The following KRT77 variants were observed in gnomAD, a reference collection of about 807,000 sequenced individuals.
The protein encoded by KRT77 is keratin 77, also known as keratin, type II cytoskeletal 1b.
Under a neutral mutation model 51.5 loss-of-function variants are expected in KRT77, and 44 were observed. The observed-to-expected ratio is 0.85, with a 90% CI of 0.67 to 1.10. The LOEUF (loss-of-function observed/expected upper bound fraction) is 1.10, where lower values mean the gene tolerates loss of function less well. Ranked by LOEUF, KRT77 falls within the 50% of genes least tolerant of loss-of-function variation. The pLI is 0.00. For missense variants in KRT77, 763 were observed against 743.9 expected (o/e 1.03, Z -0.30); for synonymous variants, 293 against 302.0 (o/e 0.97, Z 0.31).
At chr12:52,699,556 G>A (rs541593485) in intron 1 of KRT77, among the ~76,000 whole-genome samples, 28 of 152,338 alleles carry the variant, frequency 1.8e-4, no homozygotes, top group Admixed American at 3.9e-4. Flanking sequence ...AGCTAGCACC[G>A]ATGGAATGAG....
In KRT77 at chr12:52,696,354, C is replaced by T. The variant is rs774268756; in HGVS notation, c.819+16G>A. Reference sequence around the variant, plus strand: ...CCTGGGTCCACAGCCACCCTCAGGACTCCCCTTTCCCTCACCTTCTTCAGG... The same window carrying T: ...CCTGGGTCCACAGCCACCCTCAGGATTCCCCTTTCCCTCACCTTCTTCAGG... On this transcript the variant is annotated intron_variant, in intron 3 of 8. Coordinates refer to ENST00000341809, the MANE Select transcript of KRT77 (RefSeq NM_175078.3). The T allele has an allele frequency of 1.9e-6, 3 of 1,613,708 alleles. No individual in the cohort carries two copies. The highest frequency in any genetic ancestry group is 1.7e-5 in the Admixed American group (1 of 60,026).
rs772489280 is a variant in KRT77, at chr12:52,692,562, T to C, written c.1286A>G (p.Gln429Arg). The change falls in exon 7 of 9, where the codon CAG becomes CGG. Residue 429 changes from glutamine to arginine, a missense_variant. Physicochemically the swap from Gln to Arg is conservative, Grantham distance 43. Coordinates refer to ENST00000341809, the MANE Select transcript of KRT77 (RefSeq NM_175078.3). ...QALQDAWQKL[Q>R]DLEEALQQSK... ...CTGCTGCAGGGCCTCCTCCAGGTCC[T>C]GCAGCTTCTGCCACGCATCCTGGAG... The C allele has an allele frequency of 2.1e-6, 3 of 1,414,364 alleles. No individual in the cohort carries two copies. The highest frequency in any genetic ancestry group is 2.7e-5 in the African/African-American group (2 of 72,906). 87.6% of individuals were successfully genotyped at this position (1,414,364 alleles called of 1,614,324 possible). A position where few individuals can be genotyped will look rare whatever the true frequency, so the allele number is the denominator to read the frequency against.
chr12:52,698,270 C>T (rs945624770), intron 1 of KRT77: 8 of 590,684 alleles, frequency 1.4e-5, no homozygotes, highest in African/African-American at 1.1e-4. Context: ...TCTTTGTGGT[C>T]AAAATGCATT....
In KRT77 at chr12:52,694,728, G is replaced by A. The variant is rs1367638579; in HGVS notation, c.978C>T (p.Asn326=). Residue 326 remains asparagine (N), a synonymous_variant, in exon 5 of 9, where the codon AAC becomes AAT. Coordinates refer to ENST00000341809, the MANE Select transcript of KRT77 (RefSeq NM_175078.3). ...DTNVILSMDN[N]RSLDLDSIID... ...TGATGCTGTCCAGGTCCAGGGAACGGTTATTGTCCATGGACAGGATGACGT... is the reference window on the plus strand; with the variant it reads ...TGATGCTGTCCAGGTCCAGGGAACGATTATTGTCCATGGACAGGATGACGT... The A allele has an allele frequency of 2.5e-6, 4 of 1,613,624 alleles. No homozygotes were observed. The highest frequency in any genetic ancestry group is 1.3e-5 in the African/African-American group (1 of 75,058).
chr12:52,700,135 G>A (rs187670793), intron 1 of KRT77, among the ~76,000 whole-genome samples: 41 of 152,206 alleles, frequency 2.7e-4, no homozygotes, highest in Admixed American at 2.4e-3. Context: ...CTCTCTGAGC[G>A]TCCAGCACTG....
intron 1 of KRT77, among the ~76,000 whole-genome samples, chr12:52,700,083 C>T (rs1941863660): frequency 3.3e-5 from 5 of 152,202 alleles, no homozygotes; most frequent in Admixed American, 3.3e-4. Flanking sequence ...GAGGCCCTGT[C>T]CCCTTGTCAT....
chr12:52,692,277 G>A, intron 7 of KRT77, 144 bp downstream of exon 7: 1 of 859,902 alleles, frequency 1.2e-6, no homozygotes, highest in Non-Finnish European at 1.8e-6. Flanking sequence ...CACAGCCTCT[G>A]CCTCTAATTG....
chr12:52,691,488 C>A (rs1421269010), intron 8 of KRT77, 49 bp from the exon 9 acceptor site: 52 of 1,506,982 alleles, frequency 3.5e-5, no homozygotes, highest in Non-Finnish European at 4.6e-5. Context: ...CGGGCAAGGC[C>A]CCCACCTGCA....
At chr12:52,698,025 G>A (rs911416570) in intron 1 of KRT77, 129 bp from the exon 2 acceptor site, 67 of 1,420,086 alleles carry the variant, frequency 4.7e-5, no homozygotes, top group Non-Finnish European at 6.4e-5. Flanking sequence ...AAGGGTCAGA[G>A]AGCTTCCTTT....
chr12:52,695,581 T>C (rs961797907), intron 4 of KRT77, among the ~76,000 whole-genome samples, 191 bp downstream of exon 4: 6 of 152,170 alleles, frequency 3.9e-5, no homozygotes, highest in Non-Finnish European at 7.3e-5. Context: ...CCATCTTCAT[T>C]ACCCCGACCT....
At chr12:52,700,547 G>A (rs996718861) in intron 1 of KRT77, among the ~76,000 whole-genome samples, 5 of 152,126 alleles carry the variant, frequency 3.3e-5, no homozygotes, top group African/African-American at 1.2e-4. Context: ...CTTGGATGCT[G>A]GTGAGCAAGA....
At chr12:52,693,754 C>G (rs1257601616) in intron 5 of KRT77, 1 of 151,072 alleles carries the variant, frequency 6.6e-6, no homozygotes, top group Non-Finnish European at 1.5e-5. Flanking sequence ...TGTAGTCTAA[C>G]AATATAATAC....
intron 1 of KRT77, among the ~76,000 whole-genome samples, chr12:52,702,567 T>C (rs1215609928): frequency 1.3e-5 from 2 of 150,110 alleles, no homozygotes; most frequent in Non-Finnish European, 3.0e-5. Context: ...TGTGTGTGTG[T>C]ATAAATGGAT....
chr12:52,693,055 A>G (rs910044721), intron 5 of KRT77, among the ~76,000 whole-genome samples, 175 bp from the exon 6 acceptor site: 1 of 150,624 alleles, frequency 6.6e-6, no homozygotes, highest in Non-Finnish European at 1.5e-5. Context: ...CTGCAAACAC[A>G]TGTATACATG....
At chr12:52,702,418 CATGT>C (rs1195808653) in intron 1 of KRT77, among the ~76,000 whole-genome samples, 2 of 147,394 alleles carry the variant, frequency 1.4e-5, no homozygotes, top group African/African-American at 5.1e-5. Flanking sequence ...TGTGTGTGTG[CATGT>C]GTGTGTGTGT....
intron 1 of KRT77, among the ~76,000 whole-genome samples, chr12:52,699,697 G>T (rs769477475): frequency 6.6e-6 from 1 of 152,182 alleles, no homozygotes; most frequent in Non-Finnish European, 1.5e-5. Context: ...TCATCCTTTA[G>T]ACCTCAGCTG....
At chr12:52,700,706 C>G (rs1941875408) in intron 1 of KRT77, among the ~76,000 whole-genome samples, 1 of 152,200 alleles carries the variant, frequency 6.6e-6, no homozygotes, top group Non-Finnish European at 1.5e-5. Context: ...TGGCCTGATT[C>G]CACAAATGCA....
Position 52,703,211 on chromosome 12 carries a change from A to T in KRT77, c.224T>A (p.Met75Lys), listed in dbSNP as rs768668326. The change falls in exon 1 of 9, where the codon ATG (methionine) becomes AAG (lysine). Residue 75 changes from methionine (M) to lysine (K), a missense_variant. Coordinates refer to ENST00000341809, the MANE Select transcript of KRT77 (RefSeq NM_175078.3). ...GGSRSISINL[M>K]GRSTSGFCQG... Reference sequence around the variant, plus strand: ...GCAGAAACCACTGGTGCTCCTCCCCATTAGATTAATGGAGATGCTTCTACT... The same window carrying T: ...GCAGAAACCACTGGTGCTCCTCCCCTTTAGATTAATGGAGATGCTTCTACT... 3.3e-6 allele frequency: 5 copies of T among 1,531,630 alleles called. No homozygotes were observed. In the South Asian group the frequency reaches 5.6e-5, roughly 17 times the overall value. 94.9% of individuals were successfully genotyped at this position (1,531,630 alleles called of 1,614,324 possible).
Position 52,698,050 on chromosome 12 carries a change from C to T in KRT77, c.544-154G>A. 5 of 1,432,198 alleles carry T rather than the reference C, an allele frequency of 3.5e-6. No homozygotes were observed. The Admixed American group carries it at 6.2e-5, about 18-fold the overall frequency. The allele number at this position is 1,432,198 out of a possible 1,614,324, so 88.7% of individuals were successfully genotyped here. A position where few individuals can be genotyped will look rare whatever the true frequency, so the allele number is the denominator to read the frequency against. ...GAGCTTCCTTTTCTCGGGATTGAGA[C>T]ACACAGAGGGCAATGTGGTTTCTGA... On this transcript the variant is annotated intron_variant, in intron 1 of 8. Transcript: ENST00000341809.
Sources: allele counts gnomAD v4.1 joint callset (sites outside exome capture counted in the v4.1 genomes callset), GRCh38; gene constraint gnomAD v4.1.1; transcripts MANE v1.5; gene names NCBI Gene and HGNC (gene_info 2026-07-23, HGNC 2026-07-21).